The following SSH1 variants were observed in gnomAD, a reference collection of about 807,000 sequenced individuals.
SSH1 encodes the protein protein phosphatase Slingshot homolog 1.
A neutral mutation model predicts 79.7 loss-of-function variants in SSH1; 43 were observed. The observed-to-expected ratio is 0.54, with a 90% CI of 0.42 to 0.70. The LOEUF (loss-of-function observed/expected upper bound fraction) is 0.70. SSH1 is among the 30% of genes least tolerant of loss of function. The pLI is 0.00. For missense variants in SSH1, 1,206 were observed against 1,358.8 expected, an observed-to-expected ratio of 0.89 and a Z score of 1.77; for synonymous variants, 599 against 538.3, an observed-to-expected ratio of 1.11 and a Z score of -1.56.
chr12:108,817,161 T>C lies in SSH1; in HGVS notation c.280-2A>G. 1 of 1,613,724 alleles carries C rather than the reference T, an allele frequency of 6.2e-7. No homozygotes were observed. The highest frequency in any genetic ancestry group is 8.5e-7 in the Non-Finnish European group (1 of 1,179,950). ...CCAGGCGCTCTCCAGGCGCACTGCC[T>C]GGAACAGGGCAGACATGCTCTCACT... On this transcript the variant is annotated splice_acceptor_variant, in intron 4 of 14. Coordinates refer to ENST00000326495, the MANE Select transcript of SSH1 (RefSeq NM_018984.4). LOFTEE classifies it high-confidence loss of function.
chr12:108,852,752 T>G (rs992930879), intron 1 of SSH1, 74 bp from the exon 2 acceptor site: 23 of 1,610,586 alleles, frequency 1.4e-5, no homozygotes, highest in Non-Finnish European at 1.9e-5. Context: ...TCTCACATTT[T>G]CTACCCCGGT....
At chr12:108,806,920 C>T (rs1343030899) in intron 8 of SSH1, among the ~76,000 whole-genome samples, 3 of 152,238 alleles carry the variant, frequency 2.0e-5, no homozygotes, top group African/African-American at 4.8e-5. Context: ...ACCCTTCCTC[C>T]GTGATTTCAA....
Position 108,837,930 on chromosome 12 carries a change from G to A in SSH1, c.111-14569C>T, listed in dbSNP as rs574887485. 1.1e-4 allele frequency among the ~76,000 whole-genome samples: 16 copies of A among 152,132 alleles called. No homozygotes were observed. In the South Asian group the frequency reaches 3.1e-3, roughly 30 times the overall value. On this transcript the variant is annotated intron_variant, in intron 2 of 14. Transcript: ENST00000326495. ...CCCAAGTAGCTGGGACTACAGGTGT[G>A]TGCTGCCACCCCCAGCTAATTTTTT...
chr12:108,848,014 TGA>T (rs1224026809), intron 2 of SSH1, among the ~76,000 whole-genome samples: 1 of 152,048 alleles, frequency 6.6e-6, no homozygotes, highest in Non-Finnish European at 1.5e-5. Context: ...GGAACGTGTG[TGA>T]CGGGGGAGCA....
rs56164815 is a variant in SSH1 at position 108,849,375 on chromosome 12, T to C, written c.110+3263A>G. On this transcript the variant is annotated intron_variant, in intron 2 of 14. Transcript: ENST00000326495. ...TGAGACCAGCCTCAACAACACAGTG[T>C]GATCTCATCTCTTCAAAACACATTT... is the stretch of plus-strand genomic sequence containing the variant. Among the ~76,000 whole-genome samples, 616 of 152,014 alleles carry C rather than the reference T, an allele frequency of 4.1e-3. 4 individuals carry two copies. Among genetic ancestry groups the C allele is most frequent in the Non-Finnish European group, 6.5e-3 (440 of 67,952 alleles).
chr12:108,812,573 G>A (rs1354512055), intron 5 of SSH1, among the ~76,000 whole-genome samples: 1 of 152,242 alleles, frequency 6.6e-6, no homozygotes, highest in Non-Finnish European at 1.5e-5. Context: ...GGGCAGGGAT[G>A]AGACTGCCCA....
intron 2 of SSH1, among the ~76,000 whole-genome samples, chr12:108,842,515 C>G (rs1310765260): frequency 6.6e-6 from 1 of 152,222 alleles, no homozygotes; most frequent in African/African-American, 2.4e-5. Context: ...CCTGCAGAAG[C>G]TGGCCTCATT....
intron 5 of SSH1, among the ~76,000 whole-genome samples, chr12:108,812,281 T>C (rs541544714): frequency 6.6e-6 from 1 of 152,352 alleles, no homozygotes; most frequent in South Asian, 2.1e-4. Context: ...AAATTTATTT[T>C]GGGCCTCACA....
Position 108,818,231 on chromosome 12 carries a change from A to G in SSH1, c.279+18T>C. 6.2e-7 allele frequency: 1 copy of G among 1,612,474 alleles called. No individual in the cohort carries two copies. Among genetic ancestry groups the G allele is most frequent in the Non-Finnish European group, 8.5e-7 (1 of 1,178,912 alleles). On this transcript the variant is annotated intron_variant, in intron 4 of 14. Transcript: ENST00000326495. ...TTAAAAAAAAATTTTTTAACTTGAC[A>G]TTCTCACTGCTTCTTACCAGCTTGA...
chr12:108,796,747 C>CT (rs781534722), intron 13 of SSH1, among the ~76,000 whole-genome samples: 140 of 144,854 alleles, frequency 9.7e-4, no homozygotes, highest in South Asian at 3.8e-3. Flanking sequence ...AATTTTATTC[C>CT]TTTTTTTTTT....
chr12:108,848,850 C>T (rs1443754309), intron 2 of SSH1, among the ~76,000 whole-genome samples: 1 of 151,850 alleles, frequency 6.6e-6, no homozygotes, highest in Non-Finnish European at 1.5e-5. Flanking sequence ...TGGGGACCTG[C>T]TGACAGTGGC....
Position 108,788,040 on chromosome 12 carries a change from C to G in SSH1, c.3098G>C (p.Gly1033Ala). Residue 1033 changes from glycine (G) to alanine (A), a missense_variant, in exon 15 of 15, where the codon GGG becomes GCG. Physicochemically the swap from Gly to Ala is moderately conservative, Grantham distance 60. Coordinates refer to ENST00000326495, the MANE Select transcript of SSH1 (RefSeq NM_018984.4). ...RDPAATSKPSGKPAPENLKSP... is the reference protein window; with the variant it reads ...RDPAATSKPSAKPAPENLKSP... ...CTTTAAGTTTTCTGGGGCGGGTTTC[C>G]CTGATGGTTTGGAGGTTGCAGCTGG... The G allele has an allele frequency of 6.2e-7, 1 of 1,614,042 alleles. No individual in the cohort carries two copies. The highest frequency in any genetic ancestry group is 8.5e-7 in the Non-Finnish European group (1 of 1,180,006).
intron 2 of SSH1, among the ~76,000 whole-genome samples, chr12:108,831,919 T>C (rs746891898): frequency 1.1e-3 from 171 of 152,318 alleles, no homozygotes; most frequent in Non-Finnish European, 2.0e-3. Context: ...GAAACAAACC[T>C]CATGCTTGTG....
chr12:108,823,076 T>C (rs559507971), intron 3 of SSH1, among the ~76,000 whole-genome samples, 182 bp downstream of exon 3: 2 of 152,228 alleles, frequency 1.3e-5, no homozygotes, highest in South Asian at 2.1e-4. Context: ...ACATAAAAGG[T>C]TGGAAAATGT....
At chr12:108,816,146 G>C (rs1391939089) in intron 5 of SSH1, among the ~76,000 whole-genome samples, 1 of 152,122 alleles carries the variant, frequency 6.6e-6, no homozygotes, top group Non-Finnish European at 1.5e-5. Context: ...GCTCTCAACA[G>C]TCACCCCCTC....
At chr12:108,824,996 A>G (rs941905235) in intron 2 of SSH1, among the ~76,000 whole-genome samples, 1 of 152,224 alleles carries the variant, frequency 6.6e-6, no homozygotes, top group Non-Finnish European at 1.5e-5. Flanking sequence ...TCTATATTAA[A>G]CATATATTAA....
At chr12:108,802,573 G>A (rs573729983) in intron 10 of SSH1, among the ~76,000 whole-genome samples, 29 of 152,254 alleles carry the variant, frequency 1.9e-4, no homozygotes, top group African/African-American at 5.8e-4. Flanking sequence ...AGGGAGGGAC[G>A]GAGGGAGGGA....
At chr12:108,820,617 C>CAA (rs984461976) in intron 3 of SSH1, among the ~76,000 whole-genome samples, 1 of 152,112 alleles carries the variant, frequency 6.6e-6, no homozygotes, top group Non-Finnish European at 1.5e-5. Flanking sequence ...CATCCACACA[C>CAA]AAAAAAATCA....
At position 108,822,794 on chromosome 12, in the gene SSH1, G is replaced by A. The variant is rs147980306; in HGVS notation, c.214+464C>T. On this transcript the variant is annotated intron_variant, in intron 3 of 14. Transcript: ENST00000326495. ...CAGAATCAAGACTTCCTACTACAGT[G>A]TCTATCTCAGAGTTGGAGCCAAAGG... Among the ~76,000 whole-genome samples, 668 of 152,324 alleles carry A rather than the reference G, an allele frequency of 4.4e-3. 12 individuals carry two copies. Among genetic ancestry groups the A allele is most frequent in the Non-Finnish European group, 1.1e-3 (75 of 68,038 alleles).
Sources: allele counts gnomAD v4.1 joint callset (sites outside exome capture counted in the v4.1 genomes callset), GRCh38; gene constraint gnomAD v4.1.1; transcripts MANE v1.5; gene names NCBI Gene and HGNC (gene_info 2026-07-23, HGNC 2026-07-21).